CUBN: variants seen among roughly 807,000 people sequenced by gnomAD.
CUBN encodes the protein cubilin.
CUBN carries 282 observed loss-of-function variants against 405.3 expected under a neutral mutation model. The observed-to-expected ratio is 0.70, with a 90% CI of 0.63 to 0.77. The LOEUF (loss-of-function observed/expected upper bound fraction) is 0.77, where lower values mean the gene tolerates loss of function less well. Ranked by LOEUF, CUBN falls within the 30% of genes least tolerant of loss-of-function variation. The pLI is 0.00. For synonymous variants in CUBN, 1,684 were observed against 1,617.0 expected (o/e 1.04, Z -0.99); for missense variants, 4,514 against 4,475.2 (o/e 1.01, Z -0.25).
chr10:16,858,804 A>AC (rs1839935623), intron 59 of CUBN, among the ~76,000 whole-genome samples: 1 of 152,230 alleles, frequency 6.6e-6, no homozygotes, highest in East Asian at 1.9e-4. Flanking sequence ...AGAATACAGA[A>AC]CCCAGAAATA....
intron 25 of CUBN, 56 bp downstream of exon 25, chr10:17,044,951 T>C: frequency 1.3e-6 from 2 of 1,491,100 alleles, no homozygotes; most frequent in Admixed American, 1.7e-5. Context: ...AATAAGTGCA[T>C]TGTGCGTTGG....
chr10:17,117,218 T>C (rs1172318816), intron 6 of CUBN, among the ~76,000 whole-genome samples: 1 of 152,234 alleles, frequency 6.6e-6, no homozygotes, highest in Non-Finnish European at 1.5e-5. Flanking sequence ...ACATAGAATA[T>C]TTGTATAGAG....
chr10:16,879,461 G>A (rs946308478), intron 56 of CUBN, among the ~76,000 whole-genome samples: 2 of 152,184 alleles, frequency 1.3e-5, no homozygotes, highest in Non-Finnish European at 2.9e-5. Context: ...GCCCCATTGG[G>A]AATGACCCAA....
chr10:17,095,249 A>G (rs774051339), intron 14 of CUBN, among the ~76,000 whole-genome samples: 50 of 152,042 alleles, frequency 3.3e-4, no homozygotes, highest in Non-Finnish European at 2.1e-4. Flanking sequence ...ATACAAAGTC[A>G]ACTCAAAATT....
At chr10:17,095,152 T>C (rs947324585) in intron 14 of CUBN, among the ~76,000 whole-genome samples, 3 of 151,912 alleles carry the variant, frequency 2.0e-5, no homozygotes, top group African/African-American at 7.2e-5. Context: ...ACATACAACA[T>C]GTAAAGGATA....
In CUBN at chr10:16,871,766, C is replaced by T. The variant is rs564459341; in HGVS notation, c.9237-1913G>A. ...TTGGCTTTTTATTTTACATCATTTT[C>T]CCAGGAGAGCACAGAAGAGATCTGA... On this transcript the variant is annotated intron_variant, in intron 58 of 66. Coordinates refer to ENST00000377833, the MANE Select transcript of CUBN (RefSeq NM_001081.4). Among the ~76,000 whole-genome samples the T allele has an allele frequency of 1.6e-4, 25 of 152,192 alleles. No homozygotes were observed. The South Asian group carries it at 2.3e-3, about 14-fold the overall frequency.
rs1430205548 is a variant in CUBN at position 17,104,595 on chromosome 10, G to A, written c.1241C>T (p.Ser414Phe). 4 of 1,612,996 alleles carry A rather than the reference G, an allele frequency of 2.5e-6. No individual in the cohort carries two copies. The highest frequency in any genetic ancestry group is 3.4e-6 in the Non-Finnish European group (4 of 1,179,618). The change falls in exon 12 of 67, where the codon TCT becomes TTT. Residue 414 changes from serine to phenylalanine, a missense_variant. By Grantham distance (155) the Ser-to-Phe change is radical (BLOSUM62 -2). Coordinates refer to ENST00000377833, the MANE Select transcript of CUBN (RefSeq NM_001081.4). ...TGAGTCACACTTACAAAAATAACCA[G>A]AGACAGTGTCCTAAGGGGAAAAAAA... is the stretch of plus-strand genomic sequence containing the variant. ...CLNGQCIDTV[S>F]GYFCKCDSGW... is the part of the protein sequence containing the mutation.
At chr10:16,924,731 A>G (rs1842131567) in intron 43 of CUBN, among the ~76,000 whole-genome samples, 1 of 152,134 alleles carries the variant, frequency 6.6e-6, no homozygotes, top group Non-Finnish European at 1.5e-5. Context: ...AATTAAATGC[A>G]ATTATAATCA....
At chr10:16,877,119 C>G in intron 56 of CUBN, 22 bp from the exon 57 acceptor site, 9 of 1,603,036 alleles carry the variant, frequency 5.6e-6, no homozygotes, top group South Asian at 1.1e-5. Context: ...ATGGAACAAC[C>G]GCATTATGAT....
rs1564497991 is a variant in CUBN at position 17,057,989 on chromosome 10, G to A, written c.3139+7519C>T. Among the ~76,000 whole-genome samples, 3 of 152,010 alleles carry A rather than the reference G, an allele frequency of 2.0e-5. 1 individual carries two copies. Among genetic ancestry groups the A allele is most frequent in the Admixed American group, 2.0e-4 (3 of 15,246 alleles). On this transcript the variant is annotated intron_variant, in intron 22 of 66. Transcript: ENST00000377833. Reference sequence around the variant, plus strand: ...TACAAAAAATTAGCCGGGCATGGTGGCGCGCACCTGTAATCCCAGCTACTG... The same window carrying A: ...TACAAAAAATTAGCCGGGCATGGTGACGCGCACCTGTAATCCCAGCTACTG...
chr10:16,982,922 A>G (rs1005181659), intron 30 of CUBN, among the ~76,000 whole-genome samples: 2 of 152,352 alleles, frequency 1.3e-5, no homozygotes, highest in East Asian at 1.9e-4. Context: ...CGCAAATGAA[A>G]TCACGTTTTC....
At chr10:16,938,757 C>T (rs1271574986) in intron 38 of CUBN, among the ~76,000 whole-genome samples, 1 of 152,040 alleles carries the variant, frequency 6.6e-6, no homozygotes, top group Non-Finnish European at 1.5e-5. Flanking sequence ...TCCTAAAAAA[C>T]CCCTTAGATA....
chr10:16,851,934 T>TTCCC (rs1839709608), intron 59 of CUBN, among the ~76,000 whole-genome samples: 1 of 69,676 alleles, frequency 1.4e-5, no homozygotes, highest in Non-Finnish European at 3.0e-5. Flanking sequence ...CCCTCTATCT[T>TTCCC]TCCCTCCCTC....
Position 17,105,562 on chromosome 10 carries a change from G to C in CUBN, c.1125C>G (p.Leu375=), listed in dbSNP as rs1252450119. ...SCSSTLGSLP[L]CTCLPGYTGN... ...CAGTATAACCCGGGAGACACGTGCAGAGAGGTAAGGAACCTGTTCAGAAAT... is the reference window on the plus strand; with the variant it reads ...CAGTATAACCCGGGAGACACGTGCACAGAGGTAAGGAACCTGTTCAGAAAT... The change falls in exon 11 of 67, where the codon CTC becomes CTG. Residue 375 remains leucine, a synonymous_variant. Transcript: ENST00000377833. 1 of 1,589,988 alleles carries C rather than the reference G, an allele frequency of 6.3e-7. No homozygotes were observed. Among genetic ancestry groups the C allele is most frequent in the East Asian group, 2.2e-5 (1 of 44,756 alleles).
Position 16,940,238 on chromosome 10 carries a change from C to T in CUBN, c.5343-1G>A, listed in dbSNP as rs1240165946. ...CTGAGAGTCTTCCAACTGGAAAGAT[C>T]TGATTTGGGGAAAAAAATATTTAAA... On this transcript the variant is annotated splice_acceptor_variant, in intron 36 of 66. Transcript: ENST00000377833. LOFTEE classifies it high-confidence loss of function. 1 of 1,613,526 alleles carries T rather than the reference C, an allele frequency of 6.2e-7. No homozygotes were observed. Among genetic ancestry groups the T allele is most frequent in the Non-Finnish European group, 8.5e-7 (1 of 1,179,492 alleles).
chr10:16,966,513 A>G (rs1477335081), intron 31 of CUBN, among the ~76,000 whole-genome samples: 1 of 151,840 alleles, frequency 6.6e-6, no homozygotes, highest in East Asian at 1.9e-4. Flanking sequence ...CAGTGGTGCA[A>G]TCTCGGCTCA....
At chr10:16,974,631 A>G (rs1833038950) in intron 31 of CUBN, among the ~76,000 whole-genome samples, 1 of 152,062 alleles carries the variant, frequency 6.6e-6, no homozygotes. Flanking sequence ...TCGGCCTCCT[A>G]AAGTGCTGGG....
chr10:16,942,784 AAAGGGAAGGG>A (rs144169849), intron 36 of CUBN, among the ~76,000 whole-genome samples: 1 of 140,032 alleles, frequency 7.1e-6, no homozygotes, highest in East Asian at 2.2e-4. Flanking sequence ...GGTAAAGGAA[AAAGGGAAGGG>A]AAGGGAAGGG....
intron 25 of CUBN, 140 bp downstream of exon 25, chr10:17,044,867 T>C (rs559994218): frequency 2.9e-5 from 26 of 883,634 alleles, no homozygotes; most frequent in Non-Finnish European, 4.4e-5. Flanking sequence ...ATTTCTTTTA[T>C]GTTTTTATTT....
Sources: gnomAD v4.1 joint callset for allele counts (sites outside exome capture counted in the v4.1 genomes callset) on GRCh38, gnomAD v4.1.1 for gene constraint, MANE v1.5 for transcripts, NCBI Gene and HGNC (gene_info 2026-07-23, HGNC 2026-07-21) for gene names.